The following SH3BP5L variants were observed in gnomAD, a reference collection of about 807,000 sequenced individuals.
SH3BP5L encodes SH3 domain-binding protein 5-like.
Under a neutral mutation model 40.9 loss-of-function variants are expected in SH3BP5L, and 16 were observed. The ratio of observed to expected loss-of-function variants is 0.39; its 90% CI spans 0.27 to 0.59. The LOEUF (loss-of-function observed/expected upper bound fraction) is 0.59. Among genes scored for constraint, SH3BP5L ranks in the 20% least tolerant of loss-of-function variants. The probability of loss-of-function intolerance (pLI) is 0.53; values close to 1 mark genes in which losing one functional copy is unlikely to be tolerated. For synonymous variants in SH3BP5L, 229 were observed against 226.7 expected (o/e 1.01, Z -0.09); for missense variants, 471 against 544.6 (o/e 0.86, Z 1.35).
rs1663900467 is a variant in SH3BP5L at position 248,811,147 on chromosome 1, G to A, written c.*753C>T. 6.6e-6 allele frequency: 1 copy of A among 152,588 alleles called. No individual in the cohort carries two copies. The highest frequency in any genetic ancestry group is 1.5e-5 in the Non-Finnish European group (1 of 68,130). The allele number at this position is 152,588 out of a possible 1,614,324, so 9.5% of individuals were successfully genotyped here. A position where few individuals can be genotyped will look rare whatever the true frequency, so the allele number is the denominator to read the frequency against. ...TTGGCAATGTTGAGGACCCAGCCCA[G>A]CGGAAACACCATACCCACAGGAGCC... On this transcript the variant is annotated 3_prime_UTR_variant, in exon 7 of 7. Coordinates refer to ENST00000366472, the MANE Select transcript of SH3BP5L (RefSeq NM_030645.3).
At chr1:248,816,501 T>A in intron 4 of SH3BP5L, 33 bp downstream of exon 4, 1 of 1,613,040 alleles carries the variant, frequency 6.2e-7, no homozygotes, top group Non-Finnish European at 8.5e-7. Flanking sequence ...GCTCAGCACG[T>A]AGCCTTCCTC....
In SH3BP5L at chr1:248,813,001, G is replaced by A; in HGVS notation, c.699C>T (p.Ser233=). 2 of 1,589,098 alleles carry A rather than the reference G, an allele frequency of 1.3e-6. No homozygotes were observed. Among genetic ancestry groups the A allele is most frequent in the Non-Finnish European group, 1.7e-6 (2 of 1,163,872 alleles). ...RPYFELKAQF[S]QILEEHKAKV... is the part of the protein sequence containing the mutation. ...CCCACTCAGCTACCTCCAGGATCTG[G>A]CTGAACTGGGCCTTGAGCTCAAAGT... The change falls in exon 6 of 7, where the codon AGC becomes AGT. Residue 233 remains serine (S), a synonymous_variant. Coordinates refer to ENST00000366472, the MANE Select transcript of SH3BP5L (RefSeq NM_030645.3).
chr1:248,816,340 T>G, intron 4 of SH3BP5L, 194 bp downstream of exon 4: 1 of 595,610 alleles, frequency 1.7e-6, no homozygotes. Flanking sequence ...CTCACCATTT[T>G]ATAGACCATA....
rs1442463758 is a variant in SH3BP5L at position 248,812,845 on chromosome 1, A to G, written c.711+144T>C. On this transcript the variant is annotated intron_variant, in intron 6 of 6. Transcript: ENST00000366472. This position sits in a 1 kb window ranked among gnomAD's most constrained non-coding sequence, Gnocchi z 6.1. ...TCACTCCTGCAAGGTCATTTGGAAC[A>G]TGTGTGCCACCACCCTTCCCCACCG... is the stretch of plus-strand genomic sequence containing the variant. 3 of 682,160 alleles carry G rather than the reference A, an allele frequency of 4.4e-6. No individual in the cohort carries two copies. The highest frequency in any genetic ancestry group is 1.9e-5 in the African/African-American group (1 of 53,982). 42.3% of individuals were successfully genotyped at this position (682,160 alleles called of 1,614,324 possible). A position where few individuals can be genotyped will look rare whatever the true frequency, so the allele number is the denominator to read the frequency against.
In SH3BP5L at chr1:248,821,898, C is replaced by G. The variant is rs6604752; in HGVS notation, c.183+2855G>C. Reference sequence around the variant, plus strand: ...AAAGGAGCCCCAGCCCCAGGTCAGACAGGGCCTCATCCGAAGGACAGCCAT... The same window carrying G: ...AAAGGAGCCCCAGCCCCAGGTCAGAGAGGGCCTCATCCGAAGGACAGCCAT... On this transcript the variant is annotated intron_variant, in intron 2 of 6. Coordinates refer to ENST00000366472, the MANE Select transcript of SH3BP5L (RefSeq NM_030645.3). The surrounding 1 kb of genome is among the most constrained non-coding windows in gnomAD (Gnocchi z 4.6). Among the ~76,000 whole-genome samples, 41,595 of 152,070 alleles carry G rather than the reference C, an allele frequency of 0.27. 8,860 individuals carry two copies. The highest frequency in any genetic ancestry group is 0.57 in the African/African-American group (23,722 of 41,430).
rs185789882 is a variant in SH3BP5L, at chr1:248,825,066, T to C, written c.-131A>G. 6.9e-7 allele frequency: 1 copy of C among 1,439,314 alleles called. No homozygotes were observed. Among genetic ancestry groups the C allele is most frequent in the African/African-American group, 1.4e-5 (1 of 69,892 alleles). The allele number at this position is 1,439,314 out of a possible 1,614,324, so 89.2% of individuals were successfully genotyped here. ...TTCTCTTCTCAAAAGGCAGAAAAGG[T>C]GGGCACAGGAAGAACCTCACACTAG... On this transcript the variant is annotated 5_prime_UTR_variant, in exon 2 of 7. Transcript: ENST00000366472.
At position 248,816,559 on chromosome 1, in the gene SH3BP5L, T is replaced by A. The variant is rs938404958; in HGVS notation, c.350A>T (p.Tyr117Phe). ...CTCCTTAGCCAGCCGCCGAGCCTCATAGTAGGGCCGGGCTTTCTCGATGCA... is the reference window on the plus strand; with the variant it reads ...CTCCTTAGCCAGCCGCCGAGCCTCAAAGTAGGGCCGGGCTTTCTCGATGCA... Reference protein sequence around the residue: ...GSCIEKARPYYEARRLAKEAQ... With the variant: ...GSCIEKARPYFEARRLAKEAQ... The change falls in exon 4 of 7, where the codon TAT (tyrosine) becomes TTT (phenylalanine). Residue 117 changes from tyrosine to phenylalanine, a missense_variant. Physicochemically the swap from Tyr to Phe is conservative, Grantham distance 22. Transcript: ENST00000366472. The A allele has an allele frequency of 2.5e-6, 4 of 1,614,000 alleles. No homozygotes were observed. The highest frequency in any genetic ancestry group is 1.7e-5 in the Admixed American group (1 of 59,992).
Position 248,812,986 on chromosome 1 carries a change from T to C in SH3BP5L, c.711+3A>G. On this transcript the variant is annotated splice_donor_region_variant and intron_variant, in intron 6 of 6. Transcript: ENST00000366472. The surrounding 1 kb of genome is among the most constrained non-coding windows in gnomAD (Gnocchi z 6.1). ...TCCTCCTCCCCCTCACCCACTCAGC[T>C]ACCTCCAGGATCTGGCTGAACTGGG... 1 of 1,573,386 alleles carries C rather than the reference T, an allele frequency of 6.4e-7. No individual in the cohort carries two copies. The highest frequency in any genetic ancestry group is 8.7e-7 in the Non-Finnish European group (1 of 1,154,262).
intron 4 of SH3BP5L, 123 bp from the exon 5 acceptor site, chr1:248,814,733 C>G (rs759987863): frequency 2.2e-6 from 2 of 917,600 alleles, no homozygotes; most frequent in South Asian, 2.7e-5. Context: ...CTTCATTTCC[C>G]AAACTGTGCT....
intron 2 of SH3BP5L, among the ~76,000 whole-genome samples, chr1:248,819,077 C>T (rs905205802): frequency 6.6e-6 from 1 of 152,216 alleles, no homozygotes; most frequent in Non-Finnish European, 1.5e-5. Context: ...TTAGTCCCTT[C>T]TACCTCTTCT....
Position 248,820,624 on chromosome 1 carries a change from C to A in SH3BP5L, c.184-3740G>T, listed in dbSNP as rs1199276476. 2.0e-5 allele frequency: 3 copies of A among 152,348 alleles called. No homozygotes were observed. The East Asian group carries it at 5.8e-4, about 29-fold the overall frequency. The allele number at this position is 152,348 out of a possible 1,614,324, so 9.4% of individuals were successfully genotyped here. On this transcript the variant is annotated intron_variant, in intron 2 of 6. Coordinates refer to ENST00000366472, the MANE Select transcript of SH3BP5L (RefSeq NM_030645.3). ...TCTCACTTTCCTTCCACTGTGACCA[C>A]CCTCCTGGGAATGAGGACACCACTG...
intron 4 of SH3BP5L, 174 bp downstream of exon 4, chr1:248,816,360 C>T: frequency 1.5e-6 from 1 of 657,676 alleles, no homozygotes; most frequent in Non-Finnish European, 2.6e-6. Flanking sequence ...AAGCCCAGAG[C>T]CCACGTGGTA....
Position 248,824,787 on chromosome 1 carries a change from G to C in SH3BP5L, c.149C>G (p.Pro50Arg), listed in dbSNP as rs772064862. The C allele has an allele frequency of 1.9e-6, 3 of 1,614,070 alleles. No individual in the cohort carries two copies. Among genetic ancestry groups the C allele is most frequent in the Non-Finnish European group, 1.7e-6 (2 of 1,179,994 alleles). Residue 50 changes from proline to arginine, a missense_variant, in exon 2 of 7, where the codon CCA (proline) becomes CGA (arginine). Pro to Arg is a moderately radical substitution (Grantham distance 103). Coordinates refer to ENST00000366472, the MANE Select transcript of SH3BP5L (RefSeq NM_030645.3). ...GSSSSEAKLSPREEEELDPRI... is the reference protein window; with the variant it reads ...GSSSSEAKLSRREEEELDPRI... ...AGGATCCAGTTCTTCCTCCTCTCTT[G>C]GGGACAATTTGGCCTCACTGCTGCT...
chr1:248,825,780 C>G (rs1003382599), intron 1 of SH3BP5L, 55 bp downstream of exon 1: 1 of 651,516 alleles, frequency 1.5e-6, no homozygotes, highest in Non-Finnish European at 1.9e-6. Context: ...TCCCAAGGAC[C>G]CTACTCCCGT....
In SH3BP5L at chr1:248,825,236, A is replaced by G; in HGVS notation, c.-301T>C. 8.9e-7 allele frequency: 1 copy of G among 1,124,392 alleles called. No homozygotes were observed. The highest frequency in any genetic ancestry group is 1.1e-6 in the Non-Finnish European group (1 of 916,854). The allele number at this position is 1,124,392 out of a possible 1,614,324, so 69.7% of individuals were successfully genotyped here. On this transcript the variant is annotated 5_prime_UTR_variant, in exon 2 of 7. Transcript: ENST00000366472. ...AAGGCAGGGGGCAAAGGGGGCTTGG[A>G]TCCTGGACCGAGGCCTGCTAGGAGG... is the stretch of plus-strand genomic sequence containing the variant.
chr1:248,813,907 G>A (rs1327941098), intron 5 of SH3BP5L: 1 of 173,724 alleles, frequency 5.8e-6, no homozygotes, highest in Non-Finnish European at 1.2e-5. Context: ...TCTGTGTGAG[G>A]GGCAGATGAA....
At chr1:248,818,661 A>G (rs1296455420) in intron 2 of SH3BP5L, among the ~76,000 whole-genome samples, 1 of 152,184 alleles carries the variant, frequency 6.6e-6, no homozygotes, top group African/African-American at 2.4e-5. Context: ...GAAGCAATAG[A>G]ACCATCCAGG....
In SH3BP5L at chr1:248,812,906, A is replaced by G. The variant is rs566451908; in HGVS notation, c.711+83T>C. ...GCCTCACCCTGGCCACCTCACCAAG[A>G]TGGCCCAGAGAGGCCGACCAGCATC... is the stretch of plus-strand genomic sequence containing the variant. On this transcript the variant is annotated intron_variant, in intron 6 of 6. Transcript: ENST00000366472. The surrounding 1 kb of genome is among the most constrained non-coding windows in gnomAD (Gnocchi z 6.1). The G allele has an allele frequency of 2.1e-4, 280 of 1,317,938 alleles. No homozygotes were observed. In the African/African-American group the frequency reaches 3.9e-3, roughly 18 times the overall value. The allele number at this position is 1,317,938 out of a possible 1,614,324, so 81.6% of individuals were successfully genotyped here. A position where few individuals can be genotyped will look rare whatever the true frequency, so the allele number is the denominator to read the frequency against.
chr1:248,825,737 G>A (rs567691633), intron 1 of SH3BP5L, 98 bp downstream of exon 1: 1 of 349,872 alleles, frequency 2.9e-6, no homozygotes, highest in East Asian at 1.7e-4. Flanking sequence ...AGACATCTAA[G>A]CCTCCCGTCT....
Sources: gnomAD v4.1 joint callset for allele counts (sites outside exome capture counted in the v4.1 genomes callset) on GRCh38, gnomAD v4.1.1 for gene constraint, Gnocchi (gnomAD v3.1) non-coding constraint, MANE v1.5 for transcripts, NCBI Gene and HGNC (gene_info 2026-07-23, HGNC 2026-07-21) for gene names.